PTGFR: variants seen among roughly 807,000 people sequenced by gnomAD.
PTGFR encodes the protein prostaglandin F2-alpha receptor.
In PTGFR, 15 loss-of-function variants were observed where a neutral mutation model predicts 26.2. The observed-to-expected ratio is 0.57, with a 90% CI of 0.38 to 0.88. The LOEUF (loss-of-function observed/expected upper bound fraction) is 0.88, where lower values mean the gene tolerates loss of function less well. Ranked by LOEUF, PTGFR falls within the 40% of genes least tolerant of loss-of-function variation. The pLI is 0.00. For synonymous variants in PTGFR, 165 were observed against 151.1 expected (o/e 1.09, Z -0.68); for missense variants, 369 against 427.2 (o/e 0.86, Z 1.20).
intron 2 of PTGFR, among the ~76,000 whole-genome samples, chr1:78,524,166 A>G (rs895647043): frequency 1.3e-5 from 2 of 152,000 alleles, no homozygotes; most frequent in Non-Finnish European, 2.9e-5. Context: ...CACTTGTTCA[A>G]GGGTGTGAAC....
At chr1:78,522,917 C>T (rs1306587852) in intron 2 of PTGFR, among the ~76,000 whole-genome samples, 1 of 152,132 alleles carries the variant, frequency 6.6e-6, no homozygotes, top group East Asian at 1.9e-4. Flanking sequence ...TCAGAAAGTA[C>T]ATAGGAATTA....
chr1:78,503,066 C>G (rs1446674227), intron 2 of PTGFR, among the ~76,000 whole-genome samples: 1 of 151,786 alleles, frequency 6.6e-6, no homozygotes. Context: ...CTGTAAGAAC[C>G]AATGAGAAAA....
chr1:78,499,936 C>T (rs1334524951), intron 2 of PTGFR, among the ~76,000 whole-genome samples: 1 of 152,086 alleles, frequency 6.6e-6, no homozygotes, highest in Non-Finnish European at 1.5e-5. Flanking sequence ...AAAATAATCA[C>T]TCAAGTATTG....
intron 2 of PTGFR, among the ~76,000 whole-genome samples, chr1:78,516,474 T>C (rs1251392557): frequency 2.0e-5 from 3 of 152,320 alleles, no homozygotes; most frequent in East Asian, 3.9e-4. Context: ...AGGATTATTT[T>C]TGTACTCTGT....
intron 2 of PTGFR, among the ~76,000 whole-genome samples, chr1:78,518,592 A>G (rs1650149601): frequency 7.2e-6 from 1 of 139,082 alleles, no homozygotes; most frequent in Admixed American, 7.3e-5. Flanking sequence ...ACACACACAC[A>G]CACACACACA....
At position 78,491,109 on chromosome 1, in the gene PTGFR, G is replaced by C. The variant is rs1047073936; in HGVS notation, c.-200G>C. On this transcript the variant is annotated 5_prime_UTR_variant, in exon 1 of 3. Coordinates refer to ENST00000370757, the MANE Select transcript of PTGFR (RefSeq NM_000959.4). ...GACGAGCGGCTGGACCACAGCCGGC[G>C]CCCGATCAGGATCTCCGCGCTGGGA... 2.0e-5 allele frequency: 3 copies of C among 152,272 alleles called. No homozygotes were observed. The highest frequency in any genetic ancestry group is 7.2e-5 in the African/African-American group (3 of 41,462). 9.4% of individuals were successfully genotyped at this position (152,272 alleles called of 1,614,324 possible). A position where few individuals can be genotyped will look rare whatever the true frequency, so the allele number is the denominator to read the frequency against.
At chr1:78,532,962 G>GTAGT (rs1650558827) in intron 2 of PTGFR, among the ~76,000 whole-genome samples, 1 of 152,140 alleles carries the variant, frequency 6.6e-6, no homozygotes, top group African/African-American at 2.4e-5. Flanking sequence ...TAAGGCTAAT[G>GTAGT]TAGTCCTGGA....
In PTGFR at chr1:78,536,740, G is replaced by A; in HGVS notation, c.*53G>A. 2 of 1,536,076 alleles carry A rather than the reference G, an allele frequency of 1.3e-6. No individual in the cohort carries two copies. Among genetic ancestry groups the A allele is most frequent in the Non-Finnish European group, 1.7e-6 (2 of 1,143,416 alleles). On this transcript the variant is annotated 3_prime_UTR_variant, in exon 3 of 3. Coordinates refer to ENST00000370757, the MANE Select transcript of PTGFR (RefSeq NM_000959.4). The stretch of plus-strand genomic sequence containing the variant: ...GCTAGAACAAAATTAAGACATGTTT[G>A]GCAATATTTCAGTTAGTTAAATACC...
Position 78,539,296 on chromosome 1 carries a change from G to C in PTGFR, c.*2609G>C, listed in dbSNP as rs1650735790. On this transcript the variant is annotated 3_prime_UTR_variant, in exon 3 of 3. Coordinates refer to ENST00000370757, the MANE Select transcript of PTGFR (RefSeq NM_000959.4). The stretch of plus-strand genomic sequence containing the variant: ...TTCTTGTTTGCACACTTTTGGACTT[G>C]AGAAATCTGCTTTTGTTTTGTGCCT... 1 of 151,994 alleles carries C rather than the reference G, an allele frequency of 6.6e-6. No individual in the cohort carries two copies. Among genetic ancestry groups the C allele is most frequent in the South Asian group, 2.1e-4 (1 of 4,820 alleles). 9.4% of individuals were successfully genotyped at this position (151,994 alleles called of 1,614,324 possible).
rs1483888029 is a variant in PTGFR at position 78,539,218 on chromosome 1, A to G, written c.*2531A>G. ...GATCTATATAGCTAAAACGAAAAAT[A>G]CCTGAAAGTTAATACATACATATGT... On this transcript the variant is annotated 3_prime_UTR_variant, in exon 3 of 3. Transcript: ENST00000370757. 6.6e-6 allele frequency: 1 copy of G among 152,020 alleles called. No homozygotes were observed. The highest frequency in any genetic ancestry group is 1.5e-5 in the Non-Finnish European group (1 of 67,976). The allele number at this position is 152,020 out of a possible 1,614,324, so 9.4% of individuals were successfully genotyped here.
chr1:78,513,706 T>G (rs1415118148), intron 2 of PTGFR, among the ~76,000 whole-genome samples: 1 of 152,224 alleles, frequency 6.6e-6, no homozygotes, highest in African/African-American at 2.4e-5. Flanking sequence ...TGTGCTAATA[T>G]CTGAGACAAT....
chr1:78,515,706 G>A (rs1381543726), intron 2 of PTGFR, among the ~76,000 whole-genome samples: 2 of 152,102 alleles, frequency 1.3e-5, no homozygotes, highest in African/African-American at 2.4e-5. Flanking sequence ...ATAAAATATA[G>A]CATCTAATTC....
In PTGFR at chr1:78,539,165, T is replaced by TC. The variant is rs558040492; in HGVS notation, c.*2481dup. 150 of 152,054 alleles carry TC rather than the reference T, an allele frequency of 9.9e-4. No individual in the cohort carries two copies. The highest frequency in any genetic ancestry group is 3.3e-3 in the African/African-American group (139 of 41,520). 9.4% of individuals were successfully genotyped at this position (152,054 alleles called of 1,614,324 possible). On this transcript the variant is annotated 3_prime_UTR_variant, in exon 3 of 3. Coordinates refer to ENST00000370757, the MANE Select transcript of PTGFR (RefSeq NM_000959.4). ...AGAAATGGGCCCTTATTTTTTTTTT[T>TC]CCCTAGAGGCAGAAAGTTACTTCTA...
Position 78,540,415 on chromosome 1 carries a change from C to T in PTGFR, c.*3728C>T, listed in dbSNP as rs1292726686. Among the ~76,000 whole-genome samples the T allele has an allele frequency of 1.3e-5, 2 of 151,960 alleles. No homozygotes were observed. Among genetic ancestry groups the T allele is most frequent in the African/African-American group, 2.4e-5 (1 of 41,394 alleles). On this transcript the variant is annotated 3_prime_UTR_variant, in exon 3 of 3. Transcript: ENST00000370757. Reference sequence around the variant, plus strand: ...CTTCCTAATAGCATTTAAACAGAAACGATTTTTAAAAGTTGTTTTAAACAT... The same window carrying T: ...CTTCCTAATAGCATTTAAACAGAAATGATTTTTAAAAGTTGTTTTAAACAT...
chr1:78,523,804 G>T (rs562431020), intron 2 of PTGFR, among the ~76,000 whole-genome samples: 37 of 152,054 alleles, frequency 2.4e-4, no homozygotes, highest in African/African-American at 8.7e-4. Flanking sequence ...TTGTTAGTTG[G>T]GGTCTGTCTG....
intron 2 of PTGFR, among the ~76,000 whole-genome samples, chr1:78,527,002 C>T (rs1650389758): frequency 6.6e-6 from 1 of 152,082 alleles, no homozygotes; most frequent in African/African-American, 2.4e-5. Context: ...TAGTGGACCA[C>T]TTTGACACAT....
chr1:78,531,370 C>T (rs1288888436), intron 2 of PTGFR, among the ~76,000 whole-genome samples: 1 of 152,092 alleles, frequency 6.6e-6, no homozygotes, highest in Non-Finnish European at 1.5e-5. Context: ...GGGATCTGGC[C>T]CAGGTAGGAG....
chr1:78,510,184 C>T (rs1192178901), intron 2 of PTGFR, among the ~76,000 whole-genome samples: 2 of 152,116 alleles, frequency 1.3e-5, no homozygotes, highest in African/African-American at 2.4e-5. Context: ...AAGGCCACAA[C>T]TCTCTTAAAA....
chr1:78,498,508 T>A (rs903627184), intron 2 of PTGFR, among the ~76,000 whole-genome samples: 1 of 152,142 alleles, frequency 6.6e-6, no homozygotes, highest in Non-Finnish European at 1.5e-5. Context: ...AATACACACA[T>A]AAATGTTAAA....
Sources: gnomAD v4.1 joint callset for allele counts (sites outside exome capture counted in the v4.1 genomes callset) on GRCh38, gnomAD v4.1.1 for gene constraint, MANE v1.5 for transcripts, NCBI Gene and HGNC (gene_info 2026-07-23, HGNC 2026-07-21) for gene names.